GRIN2A: variants seen among roughly 807,000 people sequenced by gnomAD.
GRIN2A encodes glutamate ionotropic receptor NMDA type subunit 2A, also known as glutamate receptor ionotropic, NMDA 2A.
A neutral mutation model predicts 113.4 loss-of-function variants in GRIN2A; 22 were observed. That is an observed-to-expected ratio of 0.19 (90% CI 0.14 to 0.28). The LOEUF (loss-of-function observed/expected upper bound fraction) is 0.28. GRIN2A is among the 10% of genes least tolerant of loss of function. GRIN2A has a pLI of 1.00. For synonymous variants in GRIN2A, 827 were observed against 738.4 expected (o/e 1.12, Z -1.94); for missense variants, 1,502 against 1,887.0 (o/e 0.80, Z 3.78).
rs367804709 is a variant in GRIN2A at position 10,167,523 on chromosome 16, G to A, written c.414+12475C>T. On this transcript the variant is annotated intron_variant, in intron 2 of 12. Transcript: ENST00000330684. ...TAAGAGAAGATCCTTTCCATATGCC[G>A]ACTTCAGCAAAAAAAAATCACAAAC... 2.1e-3 allele frequency among the ~76,000 whole-genome samples: 322 copies of A among 151,874 alleles called. 3 individuals carry two copies. Among genetic ancestry groups the A allele is most frequent in the African/African-American group, 7.4e-3 (308 of 41,402 alleles).
chr16:9,834,905 G>A (rs1168179646), intron 7 of GRIN2A, among the ~76,000 whole-genome samples: 2 of 152,078 alleles, frequency 1.3e-5, no homozygotes, highest in African/African-American at 2.4e-5. Flanking sequence ...CCATCCAGGG[G>A]GCTAAAGCTA....
intron 3 of GRIN2A, among the ~76,000 whole-genome samples, chr16:9,935,085 T>C (rs1428776594): frequency 1.3e-5 from 2 of 152,160 alleles, no homozygotes; most frequent in Non-Finnish European, 2.9e-5. Flanking sequence ...GAATCCAGGG[T>C]GGTCACTGGA....
intron 2 of GRIN2A, among the ~76,000 whole-genome samples, chr16:10,074,315 G>C (rs192815227): frequency 1.3e-5 from 2 of 152,164 alleles, no homozygotes. Context: ...AAAACAGTAC[G>C]ACAGTTCTTC....
intron 2 of GRIN2A, among the ~76,000 whole-genome samples, chr16:10,029,325 G>A (rs2046885517): frequency 6.6e-6 from 1 of 152,034 alleles, no homozygotes; most frequent in Non-Finnish European, 1.5e-5. Flanking sequence ...CTCCCAAGTA[G>A]CTGGAATTAC....
chr16:10,152,610 C>G (rs1158890640), intron 2 of GRIN2A, among the ~76,000 whole-genome samples: 2 of 152,148 alleles, frequency 1.3e-5, no homozygotes, highest in African/African-American at 2.4e-5. Context: ...ATGTTCAGTT[C>G]ACCATTGCCT....
chr16:9,825,858 G>A (rs538571158), intron 9 of GRIN2A, among the ~76,000 whole-genome samples: 1 of 152,238 alleles, frequency 6.6e-6, no homozygotes, highest in East Asian at 1.9e-4. Context: ...GAGAGCAGTT[G>A]CCTCAATTCC....
chr16:9,755,316 C>G lies in GRIN2A; in HGVS notation c.*7833G>C, dbSNP rs1488292248. On this transcript the variant is annotated 3_prime_UTR_variant, in exon 13 of 13. Transcript: ENST00000330684. Reference sequence around the variant, plus strand: ...AGAGAAGAAATGCTATTGGTCAAATCGTTCTTTGGAGTGCTCCATTTCTGC... The same window carrying G: ...AGAGAAGAAATGCTATTGGTCAAATGGTTCTTTGGAGTGCTCCATTTCTGC... 1 of 186,456 alleles carries G rather than the reference C, an allele frequency of 5.4e-6. No individual in the cohort carries two copies. Among genetic ancestry groups the G allele is most frequent in the Admixed American group, 6.2e-5 (1 of 16,116 alleles). 11.6% of individuals were successfully genotyped at this position (186,456 alleles called of 1,614,324 possible). A position where few individuals can be genotyped will look rare whatever the true frequency, so the allele number is the denominator to read the frequency against.
In GRIN2A at chr16:9,757,550, T is replaced by G. The variant is rs1900402420; in HGVS notation, c.*5599A>C. On this transcript the variant is annotated 3_prime_UTR_variant, in exon 13 of 13. Transcript: ENST00000330684. ...CTACTTATGGGAAGAGACTATATTT[T>G]CTATTTATTTTGCATCCCCTCCCCC... 1 of 227,438 alleles carries G rather than the reference T, an allele frequency of 4.4e-6. No homozygotes were observed. The highest frequency in any genetic ancestry group is 8.7e-6 in the Non-Finnish European group (1 of 114,460). 14.1% of individuals were successfully genotyped at this position (227,438 alleles called of 1,614,324 possible).
chr16:10,062,058 C>T (rs1015748592), intron 2 of GRIN2A, among the ~76,000 whole-genome samples: 2 of 152,058 alleles, frequency 1.3e-5, no homozygotes, highest in African/African-American at 2.4e-5. Flanking sequence ...GGGTAATGGC[C>T]GGACCAAAGT....
chr16:10,075,644 T>G (rs2142042067), intron 2 of GRIN2A, among the ~76,000 whole-genome samples: 1 of 152,214 alleles, frequency 6.6e-6, no homozygotes, highest in Non-Finnish European at 1.5e-5. Context: ...TCAAAATGAG[T>G]GTCATCCAGG....
At position 10,088,206 on chromosome 16, in the gene GRIN2A, C is replaced by A. The variant is rs115435664; in HGVS notation, c.414+91792G>T. Among the ~76,000 whole-genome samples, 1,388 of 152,188 alleles carry A rather than the reference C, an allele frequency of 9.1e-3. 20 individuals carry two copies. Among genetic ancestry groups the A allele is most frequent in the African/African-American group, 0.031 (1,303 of 41,510 alleles). On this transcript the variant is annotated intron_variant, in intron 2 of 12. Coordinates refer to ENST00000330684, the MANE Select transcript of GRIN2A (RefSeq NM_001134407.3). Reference sequence around the variant, plus strand: ...TAGTTTGCACATCCCAGGCTCAGAGCCTCTGTTAGAGTCTCCCAGATTGAA... The same window carrying A: ...TAGTTTGCACATCCCAGGCTCAGAGACTCTGTTAGAGTCTCCCAGATTGAA...
chr16:10,080,046 T>C (rs1046556474), intron 2 of GRIN2A, among the ~76,000 whole-genome samples: 4 of 152,222 alleles, frequency 2.6e-5, no homozygotes, highest in Non-Finnish European at 5.9e-5. Flanking sequence ...TGCATATTAA[T>C]CAAATTGATT....
At chr16:9,835,857 T>C (rs927042075) in intron 7 of GRIN2A, among the ~76,000 whole-genome samples, 2 of 152,192 alleles carry the variant, frequency 1.3e-5, no homozygotes, top group African/African-American at 4.8e-5. Flanking sequence ...TTTAGCTATA[T>C]TGGATAATTT....
intron 11 of GRIN2A, among the ~76,000 whole-genome samples, chr16:9,772,906 A>G (rs990037487): frequency 9.8e-5 from 14 of 142,788 alleles, no homozygotes; most frequent in Non-Finnish European, 1.5e-4. Context: ...CAACATGGTA[A>G]AGCAGACTTC....
chr16:9,965,703 G>A (rs934484422), intron 2 of GRIN2A, among the ~76,000 whole-genome samples: 1 of 152,138 alleles, frequency 6.6e-6, no homozygotes, highest in Non-Finnish European at 1.5e-5. Flanking sequence ...ATAAATGAAT[G>A]GAGAGGAAAT....
Position 9,758,594 on chromosome 16 carries a change from C to T in GRIN2A, c.*4555G>A, listed in dbSNP as rs1055013061. 23 of 209,520 alleles carry T rather than the reference C, an allele frequency of 1.1e-4. No individual in the cohort carries two copies. The East Asian group carries it at 1.5e-3, about 14-fold the overall frequency. 13.0% of individuals were successfully genotyped at this position (209,520 alleles called of 1,614,324 possible). A position where few individuals can be genotyped will look rare whatever the true frequency, so the allele number is the denominator to read the frequency against. Reference sequence around the variant, plus strand: ...CAATTTTATTTGGATAATACACTTACGTGTGAATTGTAGAAATCAAGCATG... The same window carrying T: ...CAATTTTATTTGGATAATACACTTATGTGTGAATTGTAGAAATCAAGCATG... On this transcript the variant is annotated 3_prime_UTR_variant, in exon 13 of 13. Coordinates refer to ENST00000330684, the MANE Select transcript of GRIN2A (RefSeq NM_001134407.3).
At chr16:10,157,379 G>C (rs187249809) in intron 2 of GRIN2A, among the ~76,000 whole-genome samples, 1 of 152,274 alleles carries the variant, frequency 6.6e-6, no homozygotes, top group African/African-American at 2.4e-5. Context: ...GTGCTAATAG[G>C]TCTTCAACAC....
chr16:10,173,402 T>C (rs2050082047), intron 2 of GRIN2A, among the ~76,000 whole-genome samples: 1 of 152,192 alleles, frequency 6.6e-6, no homozygotes, highest in African/African-American at 2.4e-5. Flanking sequence ...CTACAGGCCT[T>C]TCGTATGTAA....
At chr16:10,044,073 A>G (rs144372963) in intron 2 of GRIN2A, among the ~76,000 whole-genome samples, 1,726 of 150,586 alleles carry the variant, frequency 0.011, 35 homozygotes, top group African/African-American at 0.04. Context: ...AGACAGAGAC[A>G]GAGAGTGCCT....
Sources: gnomAD v4.1 joint callset for allele counts (sites outside exome capture counted in the v4.1 genomes callset) on GRCh38, gnomAD v4.1.1 for gene constraint, MANE v1.5 for transcripts, NCBI Gene and HGNC (gene_info 2026-07-23, HGNC 2026-07-21) for gene names.